Variants in ARHGEF10L observed in about 807,000 individuals in gnomAD.
The protein encoded by ARHGEF10L is rho guanine nucleotide exchange factor 10-like protein.
ARHGEF10L carries 69 observed loss-of-function variants against 141.2 expected under a neutral mutation model. That is an observed-to-expected ratio of 0.49 (90% CI 0.40 to 0.60). The LOEUF is 0.60. Ranked by LOEUF, ARHGEF10L falls within the 20% of genes least tolerant of loss-of-function variation. ARHGEF10L has a pLI of 0.00. For missense variants in ARHGEF10L, 1,482 were observed against 1,734.3 expected, an observed-to-expected ratio of 0.85 and a Z score of 2.58; for synonymous variants, 711 against 718.5, an observed-to-expected ratio of 0.99 and a Z score of 0.17.
At chr1:17,637,348 C>A (rs1023764191) in intron 18 of ARHGEF10L, among the ~76,000 whole-genome samples, 1 of 152,230 alleles carries the variant, frequency 6.6e-6, no homozygotes. Context: ...CCAGGCACAG[C>A]TTGCTCTTGG....
At chr1:17,667,175 G>A (rs1224499529) in intron 26 of ARHGEF10L, among the ~76,000 whole-genome samples, 3 of 152,202 alleles carry the variant, frequency 2.0e-5, no homozygotes, top group South Asian at 2.1e-4. Flanking sequence ...TGTGCTGGGC[G>A]CCCATTCAGG....
At chr1:17,532,961 G>C in the ARHGEF10L span, among the ~76,000 whole-genome samples, 4 of 152,124 alleles carry the variant, frequency 2.6e-5, no homozygotes, top group African/African-American at 9.7e-5. Context: ...GGTATACCTT[G>C]TGCCTTAACT....
At chr1:17,616,843 G>A (rs995881738) in intron 9 of ARHGEF10L, among the ~76,000 whole-genome samples, 3 of 152,218 alleles carry the variant, frequency 2.0e-5, no homozygotes, top group East Asian at 3.8e-4. Context: ...GAAGAGGAGC[G>A]AGCGGGTGTG....
chr1:17,544,414 C>A (rs1222548936), intron 1 of ARHGEF10L, among the ~76,000 whole-genome samples: 1 of 151,836 alleles, frequency 6.6e-6, no homozygotes, highest in Non-Finnish European at 1.5e-5. Flanking sequence ...CATGCCTCAG[C>A]CTCCCGAGTA....
chr1:17,644,916 A>G lies in ARHGEF10L; in HGVS notation c.2273-3638A>G, dbSNP rs1185014264. Among the ~76,000 whole-genome samples the G allele has an allele frequency of 1.3e-5, 2 of 151,722 alleles. No homozygotes were observed. ...CCAGATGGTTGGCGTTCCTTCCCCC[A>G]TTTTCTACATGAGGCCACAGGCTCA... is the stretch of plus-strand genomic sequence containing the variant. On this transcript the variant is annotated intron_variant, in intron 21 of 28. Transcript: ENST00000361221. This position sits in a 1 kb window ranked among gnomAD's most constrained non-coding sequence, Gnocchi z 4.5.
chr1:17,553,822 G>C (rs896253845), intron 1 of ARHGEF10L, among the ~76,000 whole-genome samples: 1 of 152,100 alleles, frequency 6.6e-6, no homozygotes, highest in African/African-American at 2.4e-5. Flanking sequence ...TAATAGCAGC[G>C]TATGATGACG....
At chr1:17,599,299 G>A (rs575877539) in intron 4 of ARHGEF10L, among the ~76,000 whole-genome samples, 217 of 150,032 alleles carry the variant, frequency 1.4e-3, no homozygotes, top group Middle Eastern at 3.4e-3. Flanking sequence ...TCGTGCTGCT[G>A]CACTCCAGCC....
chr1:17,545,414 G>T (rs1341977815), intron 1 of ARHGEF10L, among the ~76,000 whole-genome samples: 1 of 152,154 alleles, frequency 6.6e-6, no homozygotes. Flanking sequence ...TGGTGATAGA[G>T]GTTGTAAATT....
At chr1:17,689,654 T>C (rs1040254232) in intron 27 of ARHGEF10L, 1 of 338,834 alleles carries the variant, frequency 3.0e-6, no homozygotes, top group African/African-American at 2.5e-5. Flanking sequence ...TCATAGTATT[T>C]AGCCATTATA....
chr1:17,618,113 C>T (rs1402045905), intron 9 of ARHGEF10L, among the ~76,000 whole-genome samples: 2 of 152,130 alleles, frequency 1.3e-5, no homozygotes, highest in Admixed American at 6.5e-5. Context: ...CACTGACCCC[C>T]GATGATGGAG....
rs1222626843 is a variant in ARHGEF10L at position 17,654,326 on chromosome 1, G to C, written c.2395-310G>C. Reference sequence around the variant, plus strand: ...CTCTGTGACCCTCATTTCCCTGTTTGTAAAATAAGGAGGGGTGGGTGGCTT... The same window carrying C: ...CTCTGTGACCCTCATTTCCCTGTTTCTAAAATAAGGAGGGGTGGGTGGCTT... On this transcript the variant is annotated intron_variant, in intron 22 of 28. Coordinates refer to ENST00000361221, the MANE Select transcript of ARHGEF10L (RefSeq NM_018125.4). The surrounding 1 kb of genome is among the most constrained non-coding windows in gnomAD (Gnocchi z 4.3). Among the ~76,000 whole-genome samples the C allele has an allele frequency of 6.6e-6, 1 of 152,164 alleles. No individual in the cohort carries two copies. Among genetic ancestry groups the C allele is most frequent in the African/African-American group, 2.4e-5 (1 of 41,446 alleles).
chr1:17,647,121 G>A (rs939262223), intron 21 of ARHGEF10L, among the ~76,000 whole-genome samples: 8 of 152,102 alleles, frequency 5.3e-5, no homozygotes, highest in Non-Finnish European at 1.2e-4. Flanking sequence ...TAGCATCACC[G>A]TGCCCACAGG....
chr1:17,618,530 C>T, intron 9 of ARHGEF10L: 1 of 1,406,916 alleles, frequency 7.1e-7, no homozygotes, highest in South Asian at 1.6e-5. Flanking sequence ...CAGGTAAGGG[C>T]CTATTGGGGT....
In ARHGEF10L at chr1:17,648,671, T is replaced by C; in HGVS notation, c.2390T>C (p.Leu797Pro). The part of the protein sequence containing the change: ...IPAFSSRALS[L>P]QLGALVHSPV... ...GCCTTCTCCTCCCGGGCACTCAGCC[T>C]GCAGGTGAGTGGAGCGGATCTTGCT... Residue 797 changes from leucine to proline, a missense_variant, in exon 22 of 29, where the codon CTG (leucine) becomes CCG (proline). Leu to Pro is a moderately conservative substitution (Grantham distance 98, BLOSUM62 -3). This residue lies in a region of ARHGEF10L where 858 missense variants were observed against 966.3 expected (regional missense o/e 0.89). Coordinates refer to ENST00000361221, the MANE Select transcript of ARHGEF10L (RefSeq NM_018125.4). 1 of 1,612,512 alleles carries C rather than the reference T, an allele frequency of 6.2e-7. No individual in the cohort carries two copies. Among genetic ancestry groups the C allele is most frequent in the Non-Finnish European group, 8.5e-7 (1 of 1,179,934 alleles).
intron 27 of ARHGEF10L, chr1:17,694,910 G>A (rs983739008): frequency 4.2e-5 from 28 of 664,440 alleles, no homozygotes; most frequent in African/African-American, 7.1e-5. Context: ...CAATGCATCC[G>A]TATGGCAGCC....
At chr1:17,546,140 C>T (rs373676289) in intron 1 of ARHGEF10L, among the ~76,000 whole-genome samples, 17 of 152,192 alleles carry the variant, frequency 1.1e-4, no homozygotes, top group African/African-American at 3.1e-4. Context: ...TGTGGATCAC[C>T]CTGCTTCCCT....
rs1421125791 is a variant in ARHGEF10L, at chr1:17,673,186, C to T, written c.3009+8591C>T. 2.6e-5 allele frequency among the ~76,000 whole-genome samples: 4 copies of T among 152,260 alleles called. No individual in the cohort carries two copies. Among genetic ancestry groups the T allele is most frequent in the Admixed American group, 6.5e-5 (1 of 15,302 alleles). ...GACATCGTGGAGAGGACATATGGGACGGGAGGTGAGGAAGGGGAGCTGGCA... is the reference window on the plus strand; with the variant it reads ...GACATCGTGGAGAGGACATATGGGATGGGAGGTGAGGAAGGGGAGCTGGCA... On this transcript the variant is annotated intron_variant, in intron 26 of 28. Coordinates refer to ENST00000361221, the MANE Select transcript of ARHGEF10L (RefSeq NM_018125.4). The surrounding 1 kb of genome is among the most constrained non-coding windows in gnomAD (Gnocchi z 4.1).
the ARHGEF10L span, among the ~76,000 whole-genome samples, chr1:17,527,074 T>G: frequency 1.3e-5 from 2 of 152,200 alleles, no homozygotes; most frequent in Non-Finnish European, 2.9e-5. Context: ...TGAAAAGTTG[T>G]TCTGGAAACT....
In ARHGEF10L at chr1:17,654,655, G is replaced by T. The variant is rs1271679786; in HGVS notation, c.2414G>T (p.Ser805Ile). 7 of 1,614,100 alleles carry T rather than the reference G, an allele frequency of 4.3e-6. No homozygotes were observed. Among genetic ancestry groups the T allele is most frequent in the Non-Finnish European group, 5.1e-6 (6 of 1,180,048 alleles). The change falls in exon 23 of 29, where the codon AGT becomes ATT. Residue 805 changes from serine (S) to isoleucine (I), a missense_variant. Ser to Ile is a moderately radical substitution (Grantham distance 142, BLOSUM62 -2). Around this residue, in one of 3 missense-constraint regions of ARHGEF10L, gnomAD observed 858 missense variants for 966.3 expected, o/e 0.89. Coordinates refer to ENST00000361221, the MANE Select transcript of ARHGEF10L (RefSeq NM_018125.4). This position sits in a 1 kb window ranked among gnomAD's most constrained non-coding sequence, Gnocchi z 4.3. ...CTGCAGCTTGGGGCCCTGGTCCACA[G>T]TCCTGTCAACTGTCCCCTGCTGGGT... ...LSLQLGALVH[S>I]PVNCPLLGFS...
Sources: allele counts gnomAD v4.1 joint callset (sites outside exome capture counted in the v4.1 genomes callset), GRCh38; gene constraint gnomAD v4.1.1; regional missense constraint gnomAD v4.1.1; non-coding constraint Gnocchi (gnomAD v3.1); transcripts MANE v1.5; gene names NCBI Gene and HGNC (gene_info 2026-07-23, HGNC 2026-07-21).